The following MCF2 variants were observed in gnomAD, a reference collection of about 807,000 sequenced individuals.
MCF2 encodes MCF.2 cell line derived transforming sequence.
A neutral mutation model predicts 82.5 loss-of-function variants in MCF2; 44 were observed. The observed-to-expected ratio is 0.53, with a 90% CI of 0.42 to 0.69. The LOEUF is 0.69. MCF2 is among the 30% of genes least tolerant of loss of function. The pLI is 0.00. For missense variants in MCF2, 623 were observed against 663.1 expected (o/e 0.94, Z 0.66); for synonymous variants, 217 against 224.9 (o/e 0.96, Z 0.32).
At chrX:139,678,935 C>T (rs1432710136) in intron 1 of MCF2, among the ~76,000 whole-genome samples, 3 of 112,377 alleles carry the variant, frequency 2.7e-5, no homozygotes, top group Admixed American at 9.5e-5. Flanking sequence ...TTTTGAAGGA[C>T]CACCTTAAAA....
At chrX:139,627,021 A>T (rs1484066981) in intron 4 of MCF2, among the ~76,000 whole-genome samples, 1 of 112,145 alleles carries the variant, frequency 8.9e-6, no homozygotes, top group Admixed American at 9.5e-5. Context: ...CAGAAGTACC[A>T]TGTGCTCTAT....
chrX:139,622,944 A>G (rs1838427221), intron 6 of MCF2, among the ~76,000 whole-genome samples: 1 of 111,649 alleles, frequency 9.0e-6, no homozygotes, highest in Non-Finnish European at 1.9e-5. Context: ...ATGAACAGAT[A>G]CTTCTCAAAA....
chrX:139,694,749 A>C (rs925339290), intron 1 of MCF2, among the ~76,000 whole-genome samples: 8 of 111,307 alleles, frequency 7.2e-5, no homozygotes, highest in African/African-American at 2.6e-4. Flanking sequence ...AGCAACCCAC[A>C]TGACAAACAA....
chrX:139,647,884 G>A (rs769697205), upstream of MCF2, among the ~76,000 whole-genome samples: 527 of 112,115 alleles, frequency 4.7e-3, 5 homozygotes, highest in Non-Finnish European at 7.9e-3. Context: ...CACAGAGAGC[G>A]AATGCTCAAT....
chrX:139,701,432 C>T (rs752242113), intron 1 of MCF2, among the ~76,000 whole-genome samples: 7 of 112,014 alleles, frequency 6.2e-5, no homozygotes, highest in Admixed American at 4.7e-4. Context: ...GGAGATTATC[C>T]ATGAAAACCA....
intron 1 of MCF2, among the ~76,000 whole-genome samples, chrX:139,665,986 CACAT>C (rs1324873850): frequency 2.0e-5 from 2 of 99,851 alleles, no homozygotes; most frequent in Admixed American, 1.1e-4. Flanking sequence ...TATACACACA[CACAT>C]ACACACACAC....
intron 4 of MCF2, among the ~76,000 whole-genome samples, chrX:139,627,621 A>G (rs1932792651): frequency 1.8e-5 from 2 of 111,752 alleles, no homozygotes; most frequent in Admixed American, 1.9e-4. Flanking sequence ...ACCATCACCA[A>G]TATGGGTAAT....
chrX:139,678,564 A>G (rs1934927947), intron 1 of MCF2, among the ~76,000 whole-genome samples: 1 of 112,371 alleles, frequency 8.9e-6, no homozygotes, highest in Non-Finnish European at 1.9e-5. Flanking sequence ...TAATTTCAAC[A>G]CATGTAACGA....
chrX:139,688,261 T>C (rs1935176699), intron 1 of MCF2, among the ~76,000 whole-genome samples: 1 of 111,319 alleles, frequency 9.0e-6, no homozygotes, highest in South Asian at 3.8e-4. Flanking sequence ...ATAAGGACAA[T>C]CTTAACCCAT....
chrX:139,598,634 A>G, intron 16 of MCF2, 136 bp from the exon 21 acceptor site: 1 of 372,757 alleles, frequency 2.7e-6, no homozygotes, highest in Admixed American at 5.4e-5. Flanking sequence ...AATCACTGTT[A>G]TAGTACAGAA....
chrX:139,597,133 C>G (rs765410719), intron 18 of MCF2, among the ~76,000 whole-genome samples: 2 of 111,136 alleles, frequency 1.8e-5, no homozygotes, highest in African/African-American at 6.5e-5. Context: ...AGATTTGATT[C>G]TTTTCTTTCC....
chrX:139,655,345 G>T (rs990905641), intron 1 of MCF2, among the ~76,000 whole-genome samples: 3 of 110,916 alleles, frequency 2.7e-5, no homozygotes, highest in South Asian at 7.7e-4. Flanking sequence ...TCACTTTTTG[G>T]TTAGATTGAT....
At chrX:139,706,601 A>G (rs1206601603) in intron 1 of MCF2, among the ~76,000 whole-genome samples, 1 of 110,029 alleles carries the variant, frequency 9.1e-6, no homozygotes, top group African/African-American at 3.3e-5. Flanking sequence ...AAAAACAACT[A>G]TTGGGTACTA....
intron 1 of MCF2, among the ~76,000 whole-genome samples, chrX:139,688,534 C>T (rs1341181600): frequency 8.9e-6 from 1 of 112,052 alleles, no homozygotes; most frequent in African/African-American, 3.2e-5. Context: ...ATTTACATAT[C>T]TCCCTGAGCT....
intron 1 of MCF2, among the ~76,000 whole-genome samples, chrX:139,696,280 C>T (rs1485971322): frequency 9.7e-6 from 1 of 103,046 alleles, no homozygotes; most frequent in Non-Finnish European, 2.0e-5. Flanking sequence ...CTCCCTCCCT[C>T]CCTTCCTTCC....
At chrX:139,678,914 C>G (rs1214360202) in intron 1 of MCF2, among the ~76,000 whole-genome samples, 2 of 112,409 alleles carry the variant, frequency 1.8e-5, no homozygotes, top group Non-Finnish European at 3.8e-5. Context: ...TCATTTTTCA[C>G]AAAACATCCA....
chrX:139,696,318 T>C (rs868811413), intron 1 of MCF2, among the ~76,000 whole-genome samples: 2 of 95,241 alleles, frequency 2.1e-5, no homozygotes, highest in Non-Finnish European at 4.2e-5. Flanking sequence ...CTTTTCTTTC[T>C]TTCCTTCCTT....
intron 1 of MCF2, among the ~76,000 whole-genome samples, chrX:139,673,973 G>A (rs556958425): frequency 2.7e-5 from 3 of 111,484 alleles, no homozygotes; most frequent in Admixed American, 9.5e-5. Flanking sequence ...AGGTCTCTAA[G>A]GACTTGCTTT....
intron 17 of MCF2, 56 bp downstream of exon 21, chrX:139,598,350 C>G (rs769352956): frequency 9.1e-6 from 7 of 771,664 alleles, no homozygotes; most frequent in Non-Finnish European, 1.4e-5. Context: ...TTTTTAATGG[C>G]TCTGTCATAT....
Sources: gnomAD v4.1 joint callset for allele counts (sites outside exome capture counted in the v4.1 genomes callset) on GRCh38, gnomAD v4.1.1 for gene constraint, MANE v1.5 for transcripts, NCBI Gene and HGNC (gene_info 2026-07-23, HGNC 2026-07-21) for gene names.